Variants in DNM1 observed in about 807,000 individuals in gnomAD.
The protein encoded by DNM1 is dynamin-1.
DNM1 carries 29 observed loss-of-function variants against 104.6 expected under a neutral mutation model. The ratio of observed to expected loss-of-function variants is 0.28; its 90% confidence interval spans 0.21 to 0.38. The LOEUF (loss-of-function observed/expected upper bound fraction) is 0.38. DNM1 is among the 10% of genes least tolerant of loss of function. DNM1 has a pLI of 1.00. For synonymous variants in DNM1, 445 were observed against 475.8 expected, an observed-to-expected ratio of 0.94 and a Z score of 0.84; for missense variants, 640 against 1,189.4, an observed-to-expected ratio of 0.54 and a Z score of 6.79.
At chr9:128,216,487 G>A (rs2131140620) in intron 1 of DNM1, among the ~76,000 whole-genome samples, 1 of 152,344 alleles carries the variant, frequency 6.6e-6, no homozygotes, top group South Asian at 2.1e-4. Flanking sequence ...CTGGGCACTG[G>A]GATACAGTGG....
rs1253064816 is a variant in DNM1 at position 128,220,104 on chromosome 9, C to G, written c.688+18C>G. 6.2e-7 allele frequency: 1 copy of G among 1,612,898 alleles called. No homozygotes were observed. ...GCGCAGAGGTAAGCAGGCCATGCCCCTCAACCACTCCCCAGCCCTTCCCCA... is the reference window on the plus strand; with the variant it reads ...GCGCAGAGGTAAGCAGGCCATGCCCGTCAACCACTCCCCAGCCCTTCCCCA... On this transcript the variant is annotated intron_variant, in intron 5 of 21. Coordinates refer to ENST00000372923, the MANE Select transcript of DNM1 (RefSeq NM_004408.4). The surrounding 1 kb of genome is among the most constrained non-coding windows in gnomAD (Gnocchi z 5.2).
intron 1 of DNM1, among the ~76,000 whole-genome samples, chr9:128,215,435 T>G (rs1329655900): frequency 6.6e-6 from 1 of 152,236 alleles, no homozygotes; most frequent in Non-Finnish European, 1.5e-5. Context: ...GGCCTCACTT[T>G]GAGAACCTGG....
chr9:128,235,489 G>A (rs1219206972), intron 11 of DNM1, among the ~76,000 whole-genome samples: 13 of 148,148 alleles, frequency 8.8e-5, no homozygotes, highest in African/African-American at 2.0e-4. Flanking sequence ...GTGAGACTCC[G>A]TCTCAAAAAA....
At chr9:128,238,214 G>GTTTGT (rs1365412724) in intron 11 of DNM1, among the ~76,000 whole-genome samples, 1 of 81,114 alleles carries the variant, frequency 1.2e-5, no homozygotes, top group African/African-American at 6.8e-5. Context: ...GCCTCTGTTT[G>GTTTGT]TTTGTTTGTT....
chr9:128,233,957 G>A lies in DNM1; in HGVS notation c.1336-64G>A, dbSNP rs565022445. 8.4e-6 allele frequency: 12 copies of A among 1,435,588 alleles called. No homozygotes were observed. In the South Asian group the frequency reaches 9.8e-5, roughly 12 times the overall value. 88.9% of individuals were successfully genotyped at this position (1,435,588 alleles called of 1,614,324 possible). A position where few individuals can be genotyped will look rare whatever the true frequency, so the allele number is the denominator to read the frequency against. ...CGCCGCGGATCCCTGGACTCGTGGG[G>A]TGTGGGTGCTCCCTGCCCGTGCCCT... On this transcript the variant is annotated intron_variant, in intron 10 of 21. Coordinates refer to ENST00000372923, the MANE Select transcript of DNM1 (RefSeq NM_004408.4).
rs528510722 is a variant in DNM1, at chr9:128,249,098, C to A, written c.2076+345C>A. Reference sequence around the variant, plus strand: ...ATTGCAGCTACTCGGGAGGCTGAGGCAGGAGAATCACTTGAACCCAGGAGG... The same window carrying A: ...ATTGCAGCTACTCGGGAGGCTGAGGAAGGAGAATCACTTGAACCCAGGAGG... On this transcript the variant is annotated intron_variant, in intron 19 of 21. Coordinates refer to ENST00000372923, the MANE Select transcript of DNM1 (RefSeq NM_004408.4). Among the ~76,000 whole-genome samples, 8 of 151,316 alleles carry A rather than the reference C, an allele frequency of 5.3e-5. No homozygotes were observed. In the East Asian group the frequency reaches 1.4e-3, roughly 26 times the overall value.
Position 128,218,186 on chromosome 9 carries a change from G to T in DNM1, c.162-45G>T, listed in dbSNP as rs770535069. On this transcript the variant is annotated intron_variant, in intron 1 of 21. Coordinates refer to ENST00000372923, the MANE Select transcript of DNM1 (RefSeq NM_004408.4). The surrounding 1 kb of genome is among the most constrained non-coding windows in gnomAD (Gnocchi z 4.8). Reference sequence around the variant, plus strand: ...GACAGGTACCCCTGGGACAGAGGGCGCCCCCTCATATCTTGACCCTCCTTT... The same window carrying T: ...GACAGGTACCCCTGGGACAGAGGGCTCCCCCTCATATCTTGACCCTCCTTT... The T allele has an allele frequency of 6.3e-7, 1 of 1,584,898 alleles. No individual in the cohort carries two copies. Among genetic ancestry groups the T allele is most frequent in the Non-Finnish European group, 8.7e-7 (1 of 1,153,430 alleles).
rs1353803875 is a variant in DNM1 at position 128,245,193 on chromosome 9, C to T, written c.1672-1201C>T. 2.6e-5 allele frequency among the ~76,000 whole-genome samples: 4 copies of T among 152,248 alleles called. No homozygotes were observed. Among genetic ancestry groups the T allele is most frequent in the East Asian group, 3.9e-4 (2 of 5,184 alleles). On this transcript the variant is annotated intron_variant, in intron 15 of 21. Transcript: ENST00000372923. The surrounding 1 kb of genome is among the most constrained non-coding windows in gnomAD (Gnocchi z 5.2). ...CAACTTCCTCCTCTCCTCCCCCAGC[C>T]GCCCTCTGGGGCTCCCGGCCACCCG...
Position 128,246,182 on chromosome 9 carries a change from C to T in DNM1, c.1672-212C>T, listed in dbSNP as rs1046711823. ...CCCTCACCAGCCCCCTGGCCCCCGGCATATATGCAGAGCTGGTAGGACTGG... is the reference window on the plus strand; with the variant it reads ...CCCTCACCAGCCCCCTGGCCCCCGGTATATATGCAGAGCTGGTAGGACTGG... On this transcript the variant is annotated intron_variant, in intron 15 of 21. Coordinates refer to ENST00000372923, the MANE Select transcript of DNM1 (RefSeq NM_004408.4). Among the ~76,000 whole-genome samples the T allele has an allele frequency of 2.0e-5, 3 of 152,172 alleles. No individual in the cohort carries two copies. In the East Asian group the frequency reaches 5.8e-4, roughly 29 times the overall value.
intron 11 of DNM1, 50 bp downstream of exon 11, chr9:128,234,157 C>T (rs573137923): frequency 3.7e-5 from 53 of 1,431,264 alleles, no homozygotes; most frequent in African/African-American, 5.7e-5. Flanking sequence ...CACTCCTGGC[C>T]GCCTGCGCCT....
Position 128,222,353 on chromosome 9 carries a change from A to C in DNM1, c.992+14A>C. On this transcript the variant is annotated intron_variant, in intron 7 of 21. Transcript: ENST00000372923. The surrounding 1 kb of genome is among the most constrained non-coding windows in gnomAD (Gnocchi z 7.8). ...GGCCCTGCTGCAGTGAGGCTCCCCCAGCTCCTATCACTGAATCCCCGCCCC... is the reference window on the plus strand; with the variant it reads ...GGCCCTGCTGCAGTGAGGCTCCCCCCGCTCCTATCACTGAATCCCCGCCCC... 8 of 1,610,994 alleles carry C rather than the reference A, an allele frequency of 5.0e-6. No homozygotes were observed. The highest frequency in any genetic ancestry group is 6.8e-6 in the Non-Finnish European group (8 of 1,177,962).
chr9:128,249,898 G>A (rs1040849690), intron 19 of DNM1, among the ~76,000 whole-genome samples: 3 of 151,996 alleles, frequency 2.0e-5, no homozygotes, highest in African/African-American at 7.2e-5. Context: ...GTCCCCTCCC[G>A]GTTCTGTGAC....
At chr9:128,225,628 GGAGAA>G (rs1237194258) in intron 10 of DNM1, among the ~76,000 whole-genome samples, 1 of 152,184 alleles carries the variant, frequency 6.6e-6, no homozygotes, top group African/African-American at 2.4e-5. Context: ...CAGCTCCTTA[GGAGAA>G]CCCAAGGCTG....
rs552838558 is a variant in DNM1 at position 128,235,233 on chromosome 9, T to C, written c.1422+1126T>C. 7.0e-4 allele frequency among the ~76,000 whole-genome samples: 107 copies of C among 152,184 alleles called. 1 individual carries two copies. Among genetic ancestry groups the C allele is most frequent in the African/African-American group, 2.4e-3 (99 of 41,548 alleles). Reference sequence around the variant, plus strand: ...CTTCCTGGCCGGGCGTGGTGGCTCATGCCTGTAATCCAAGCACTTTGGGAG... The same window carrying C: ...CTTCCTGGCCGGGCGTGGTGGCTCACGCCTGTAATCCAAGCACTTTGGGAG... On this transcript the variant is annotated intron_variant, in intron 11 of 21. Coordinates refer to ENST00000372923, the MANE Select transcript of DNM1 (RefSeq NM_004408.4).
intron 6 of DNM1, among the ~76,000 whole-genome samples, chr9:128,221,581 CT>C (rs1048304428): frequency 6.6e-6 from 1 of 152,180 alleles, no homozygotes. Context: ...CTGGCCACCC[CT>C]GCCTCAGACG....
intron 13 of DNM1, 37 bp from the exon 14 acceptor site, chr9:128,239,947 CG>C (rs887847549): frequency 6.2e-7 from 1 of 1,613,464 alleles, no homozygotes; most frequent in African/African-American, 1.3e-5. Context: ...CCTCTCTCCC[CG>C]ATGCCTCTCG....
At chr9:128,208,806 G>A (rs543416769) in intron 1 of DNM1, among the ~76,000 whole-genome samples, 2 of 152,128 alleles carry the variant, frequency 1.3e-5, no homozygotes, top group Non-Finnish European at 2.9e-5. Flanking sequence ...TTGAGGGGAG[G>A]GGGGCTTTCT....
At chr9:128,250,970 G>T in intron 21 of DNM1, 30 bp downstream of exon 21, 1 of 1,273,344 alleles carries the variant, frequency 7.9e-7, no homozygotes, top group Non-Finnish European at 1.1e-6. Flanking sequence ...GGCTGGAGAG[G>T]CTGCCGGACG....
intron 6 of DNM1, chr9:128,221,339 C>G (rs965670622): frequency 6.6e-6 from 1 of 152,240 alleles, no homozygotes; most frequent in Non-Finnish European, 1.5e-5. Flanking sequence ...ATCTGCCCGC[C>G]TTGGCCTCCC....
Sources: gnomAD v4.1 joint callset for allele counts (sites outside exome capture counted in the v4.1 genomes callset) on GRCh38, gnomAD v4.1.1 for gene constraint, Gnocchi (gnomAD v3.1) non-coding constraint, MANE v1.5 for transcripts, NCBI Gene and HGNC (gene_info 2026-07-23, HGNC 2026-07-21) for gene names.